MEI4: variants seen among roughly 807,000 people sequenced by gnomAD.
The protein encoded by MEI4 is meiotic double-stranded break formation protein 4.
MEI4 carries 27 observed loss-of-function variants against 31.4 expected under a neutral mutation model. The observed-to-expected ratio is 0.86, with a 90% CI of 0.63 to 1.19. The LOEUF (loss-of-function observed/expected upper bound fraction) is 1.19. Ranked by LOEUF, MEI4 falls within the 50% of genes most tolerant of loss-of-function variation. MEI4 has a pLI of 0.00. For missense variants in MEI4, 329 were observed against 398.9 expected, an observed-to-expected ratio of 0.82 and a Z score of 1.49; for synonymous variants, 122 against 145.4, an observed-to-expected ratio of 0.84 and a Z score of 1.16.
chr6:77,832,028 A>G (rs1316696106), intron 4 of MEI4, among the ~76,000 whole-genome samples: 1 of 152,028 alleles, frequency 6.6e-6, no homozygotes, highest in African/African-American at 2.4e-5. Context: ...TATCCCATTT[A>G]TCCCCAGTAT....
chr6:77,834,961 C>T (rs1343085908), intron 4 of MEI4, among the ~76,000 whole-genome samples: 2 of 152,148 alleles, frequency 1.3e-5, no homozygotes, highest in Non-Finnish European at 2.9e-5. Context: ...CTACAGAAAC[C>T]CTGGCTGCCT....
chr6:77,773,039 G>C (rs117828829), intron 3 of MEI4, among the ~76,000 whole-genome samples: 1 of 151,922 alleles, frequency 6.6e-6, no homozygotes, highest in African/African-American at 2.4e-5. Flanking sequence ...AGAAATAGGA[G>C]AGGAAACACA....
At chr6:77,905,475 C>CTTTT (rs70974691) in intron 4 of MEI4, among the ~76,000 whole-genome samples, 15 of 93,346 alleles carry the variant, frequency 1.6e-4, no homozygotes, top group Non-Finnish European at 2.7e-4. Flanking sequence ...AAATTTTCAG[C>CTTTT]TTTTTTTTTT....
At chr6:77,912,971 T>C (rs765735978) in intron 4 of MEI4, among the ~76,000 whole-genome samples, 4 of 152,170 alleles carry the variant, frequency 2.6e-5, no homozygotes, top group Non-Finnish European at 5.9e-5. Context: ...CTTTATTATG[T>C]TGAAGTATGT....
intron 2 of MEI4, among the ~76,000 whole-genome samples, chr6:77,736,711 ATAAAGT>A (rs1048404143): frequency 1.3e-5 from 2 of 152,090 alleles, no homozygotes; most frequent in Non-Finnish European, 2.9e-5. Flanking sequence ...ATACAGAAAG[ATAAAGT>A]TTAAGCCCTG....
At chr6:77,863,848 C>A (rs965823915) in intron 4 of MEI4, among the ~76,000 whole-genome samples, 2 of 152,134 alleles carry the variant, frequency 1.3e-5, no homozygotes, top group East Asian at 1.9e-4. Context: ...GGGTTACCCA[C>A]GAAGAGAAGA....
chr6:77,879,590 A>G (rs909642826), intron 4 of MEI4, among the ~76,000 whole-genome samples: 2 of 152,176 alleles, frequency 1.3e-5, no homozygotes, highest in African/African-American at 4.8e-5. Flanking sequence ...ACTTTTCTCA[A>G]TATTAAAGTT....
chr6:77,922,685 T>C (rs1388190157), intron 4 of MEI4, among the ~76,000 whole-genome samples: 1 of 151,768 alleles, frequency 6.6e-6, no homozygotes, highest in African/African-American at 2.4e-5. Flanking sequence ...CTATAGATGA[T>C]GAACCTACTA....
At chr6:77,780,768 A>G (rs1768575106) in intron 3 of MEI4, among the ~76,000 whole-genome samples, 1 of 152,152 alleles carries the variant, frequency 6.6e-6, no homozygotes, top group African/African-American at 2.4e-5. Context: ...GAATTCTAAT[A>G]TTGTCTTATT....
At chr6:77,672,330 G>A (rs971860438) in intron 1 of MEI4, among the ~76,000 whole-genome samples, 1 of 152,142 alleles carries the variant, frequency 6.6e-6, no homozygotes, top group Non-Finnish European at 1.5e-5. Context: ...ATTTAAATCT[G>A]CAGAATCATG....
intron 3 of MEI4, among the ~76,000 whole-genome samples, chr6:77,814,495 A>G (rs1769646093): frequency 6.6e-6 from 1 of 152,154 alleles, no homozygotes; most frequent in South Asian, 2.1e-4. Flanking sequence ...TTCTCAAAGT[A>G]TAATCCTGTC....
chr6:77,910,287 A>T (rs1766402559), intron 4 of MEI4, among the ~76,000 whole-genome samples: 1 of 152,168 alleles, frequency 6.6e-6, no homozygotes, highest in Non-Finnish European at 1.5e-5. Flanking sequence ...TGCAGATGAC[A>T]TGATTGTATA....
rs1581970708 is a variant in MEI4, at chr6:77,909,010, A to G, written c.901-14079A>G. ...GCTCTGCACCAAGCAGACCTAATAGACATCTACAGAACTCTCCACCCCAAA... is the reference window on the plus strand; with the variant it reads ...GCTCTGCACCAAGCAGACCTAATAGGCATCTACAGAACTCTCCACCCCAAA... On this transcript the variant is annotated intron_variant, in intron 4 of 4. Transcript: ENST00000684080. Among the ~76,000 whole-genome samples the G allele has an allele frequency of 2.0e-5, 3 of 152,206 alleles. No individual in the cohort carries two copies. In the South Asian group the frequency reaches 6.2e-4, roughly 32 times the overall value.
At chr6:77,799,117 A>G (rs1769170954) in intron 3 of MEI4, among the ~76,000 whole-genome samples, 1 of 152,284 alleles carries the variant, frequency 6.6e-6, no homozygotes, top group South Asian at 2.1e-4. Flanking sequence ...CAGCAGTGTC[A>G]AAGTGTTCCT....
intron 4 of MEI4, among the ~76,000 whole-genome samples, chr6:77,899,156 A>T (rs192779757): frequency 6.6e-6 from 1 of 152,148 alleles, no homozygotes; most frequent in East Asian, 1.9e-4. Flanking sequence ...GCATATGAAC[A>T]TATTTTGCCA....
At chr6:77,795,773 A>G (rs1393389289) in intron 3 of MEI4, among the ~76,000 whole-genome samples, 2 of 151,876 alleles carry the variant, frequency 1.3e-5, no homozygotes, top group African/African-American at 4.8e-5. Flanking sequence ...TTGGAAAAAA[A>G]AAAAACTCCC....
intron 4 of MEI4, among the ~76,000 whole-genome samples, chr6:77,919,694 A>T (rs936397362): frequency 6.7e-6 from 1 of 150,372 alleles, no homozygotes; most frequent in Non-Finnish European, 1.5e-5. Flanking sequence ...CCTTCAAAAA[A>T]TTAATGAATC....
At chr6:77,659,735 G>T (rs1768466619) in intron 1 of MEI4, among the ~76,000 whole-genome samples, 1 of 152,122 alleles carries the variant, frequency 6.6e-6, no homozygotes, top group Non-Finnish European at 1.5e-5. Context: ...TTGATAGAGG[G>T]CTTGTCTGTA....
intron 4 of MEI4, among the ~76,000 whole-genome samples, chr6:77,912,781 G>A (rs944217701): frequency 6.6e-6 from 1 of 151,964 alleles, no homozygotes; most frequent in African/African-American, 2.4e-5. Context: ...TTTCCAATTT[G>A]GATGCATTTT....
Sources: gnomAD v4.1 joint callset for allele counts (sites outside exome capture counted in the v4.1 genomes callset) on GRCh38, gnomAD v4.1.1 for gene constraint, MANE v1.5 for transcripts, NCBI Gene and HGNC (gene_info 2026-07-23, HGNC 2026-07-21) for gene names.